The following EFL1 variants were observed in gnomAD, a reference collection of about 807,000 sequenced individuals.
The protein encoded by EFL1 is elongation factor like GTPase 1.
Under a neutral mutation model 126.7 loss-of-function variants are expected in EFL1, and 76 were observed. The ratio of observed to expected loss-of-function variants is 0.60; its 90% CI spans 0.50 to 0.73. EFL1 has a LOEUF of 0.73. EFL1 is among the 30% of genes least tolerant of loss of function. EFL1 has a pLI of 0.00. For synonymous variants in EFL1, 410 were observed against 448.4 expected (o/e 0.91, Z 1.08); for missense variants, 1,128 against 1,343.2 (o/e 0.84, Z 2.50).
intron 19 of EFL1, among the ~76,000 whole-genome samples, 176 bp from the exon 20 acceptor site, chr15:82,130,737 G>A (rs897330871): frequency 6.6e-6 from 1 of 152,206 alleles, no homozygotes; most frequent in African/African-American, 2.4e-5. Context: ...GGTGGCTCAC[G>A]CCTATAGTCC....
At chr15:82,260,235 A>AG (rs919040844) in intron 2 of EFL1, among the ~76,000 whole-genome samples, 52 of 152,238 alleles carry the variant, frequency 3.4e-4, no homozygotes, top group Admixed American at 1.0e-3. Flanking sequence ...AAATTCATAA[A>AG]GAAAAAAAAA....
Position 82,151,520 on chromosome 15 carries a change from C to T in EFL1, c.2934G>A (p.Gln978=), listed in dbSNP as rs775222060. Residue 978 remains glutamine (Q), a synonymous_variant, in exon 18 of 20, where the codon CAG becomes CAA. Transcript: ENST00000268206. The part of the protein sequence containing the change: ...ACRYALQVKP[Q]RLMAAMYTCD... Reference sequence around the variant, plus strand: ...ATGTGTACATAGCTGCCATCAGGCGCTGAGGTTTCACTTGCAGTGCATAGC... The same window carrying T: ...ATGTGTACATAGCTGCCATCAGGCGTTGAGGTTTCACTTGCAGTGCATAGC... The T allele has an allele frequency of 1.2e-6, 2 of 1,614,074 alleles. No individual in the cohort carries two copies. The highest frequency in any genetic ancestry group is 4.5e-5 in the East Asian group (2 of 44,880).
At chr15:82,150,452 TAA>T (rs2073895120) in intron 18 of EFL1, among the ~76,000 whole-genome samples, 1 of 152,222 alleles carries the variant, frequency 6.6e-6, no homozygotes, top group African/African-American at 2.4e-5. Context: ...CTTGAGAGAA[TAA>T]GAGAACTACT....
intron 19 of EFL1, among the ~76,000 whole-genome samples, chr15:82,132,317 G>A (rs1222183574): frequency 6.6e-6 from 1 of 152,138 alleles, no homozygotes; most frequent in Non-Finnish European, 1.5e-5. Context: ...ATCAGCAACA[G>A]CAGTTGCTGG....
At chr15:82,238,773 T>A (rs1395995880) in intron 6 of EFL1, among the ~76,000 whole-genome samples, 4 of 152,196 alleles carry the variant, frequency 2.6e-5, no homozygotes, top group Non-Finnish European at 4.4e-5. Context: ...TTAATGTAAA[T>A]GTTAATGTGT....
At chr15:82,214,919 T>C in intron 14 of EFL1, 64 bp from the exon 15 acceptor site, 1 of 1,532,184 alleles carries the variant, frequency 6.5e-7, no homozygotes, top group Non-Finnish European at 8.8e-7. Context: ...TTGGTATTTG[T>C]AAAGTTACTT....
chr15:82,147,462 T>A (rs945542916), intron 18 of EFL1, among the ~76,000 whole-genome samples: 2 of 151,506 alleles, frequency 1.3e-5, no homozygotes, highest in African/African-American at 4.9e-5. Context: ...AAACCCCATC[T>A]CTACTAAAAA....
intron 15 of EFL1, among the ~76,000 whole-genome samples, chr15:82,192,769 C>T (rs562218418): frequency 2.0e-5 from 3 of 152,012 alleles, no homozygotes; most frequent in South Asian, 2.1e-4. Context: ...CTTGACACCA[C>T]GTAAGCAAGA....
chr15:82,261,207 T>A (rs1358825712), intron 2 of EFL1, among the ~76,000 whole-genome samples: 1 of 151,108 alleles, frequency 6.6e-6, no homozygotes, highest in Non-Finnish European at 1.5e-5. Flanking sequence ...CCTTAGAGTC[T>A]ACTTTTTTCT....
intron 14 of EFL1, among the ~76,000 whole-genome samples, chr15:82,218,780 G>T (rs1460463109): frequency 3.9e-5 from 6 of 152,210 alleles, no homozygotes; most frequent in Non-Finnish European, 5.9e-5. Flanking sequence ...ACGCAGCTCT[G>T]CACTCTCCAA....
intron 6 of EFL1, 136 bp from the exon 7 acceptor site, chr15:82,238,657 G>C (rs894347599): frequency 1.6e-5 from 11 of 681,960 alleles, no homozygotes; most frequent in Non-Finnish European, 2.2e-5. Flanking sequence ...GAATGGAGGT[G>C]ACATTCATAA....
chr15:82,178,458 T>C (rs1466944654), intron 15 of EFL1, among the ~76,000 whole-genome samples: 1 of 152,134 alleles, frequency 6.6e-6, no homozygotes, highest in Non-Finnish European at 1.5e-5. Flanking sequence ...TCTGGAGTAG[T>C]GGAAATGCTC....
intron 3 of EFL1, among the ~76,000 whole-genome samples, chr15:82,257,519 A>G (rs181090525): frequency 6.6e-6 from 1 of 152,334 alleles, no homozygotes; most frequent in Admixed American, 6.5e-5. Flanking sequence ...AACAAAACAA[A>G]AAAGTTTCCT....
At chr15:82,216,467 A>C (rs1212379718) in intron 14 of EFL1, among the ~76,000 whole-genome samples, 1 of 152,192 alleles carries the variant, frequency 6.6e-6, no homozygotes, top group Non-Finnish European at 1.5e-5. Context: ...TTTGATGTCA[A>C]AACATTTAAA....
intron 3 of EFL1, among the ~76,000 whole-genome samples, chr15:82,256,616 T>A (rs1284257032): frequency 2.6e-5 from 4 of 152,202 alleles, no homozygotes; most frequent in Non-Finnish European, 5.9e-5. Flanking sequence ...TCAATCTTCA[T>A]TTTAGGTTTT....
intron 6 of EFL1, among the ~76,000 whole-genome samples, chr15:82,239,176 G>A (rs1596003260): frequency 6.6e-6 from 1 of 152,120 alleles, no homozygotes; most frequent in African/African-American, 2.4e-5. Flanking sequence ...TCGCTCTGTT[G>A]CCCAGGCTGG....
intron 15 of EFL1, among the ~76,000 whole-genome samples, chr15:82,211,292 C>T (rs1456918807): frequency 3.3e-5 from 5 of 151,312 alleles, no homozygotes; most frequent in Admixed American, 1.3e-4. Context: ...GTTGGGAGGC[C>T]GAGGCAGGCA....
At chr15:82,192,861 A>G (rs530734559) in intron 15 of EFL1, among the ~76,000 whole-genome samples, 51 of 152,234 alleles carry the variant, frequency 3.4e-4, no homozygotes, top group Non-Finnish European at 6.5e-4. Flanking sequence ...GAAAGAAAGA[A>G]AGAAAGAGGT....
At chr15:82,162,466 G>A (rs1461606598) in intron 16 of EFL1, among the ~76,000 whole-genome samples, 1 of 152,206 alleles carries the variant, frequency 6.6e-6, no homozygotes, top group Non-Finnish European at 1.5e-5. Context: ...TTTCTTGTAT[G>A]TATTTCTTAG....
Sources: gnomAD v4.1 joint callset for allele counts (sites outside exome capture counted in the v4.1 genomes callset) on GRCh38, gnomAD v4.1.1 for gene constraint, MANE v1.5 for transcripts, NCBI Gene and HGNC (gene_info 2026-07-23, HGNC 2026-07-21) for gene names.